The following SUDS3 variants were observed in gnomAD, a reference collection of about 807,000 sequenced individuals.
SUDS3 encodes SIN3A corepressor complex component SDS3.
SUDS3 carries 23 observed loss-of-function variants against 53.5 expected under a neutral mutation model. The observed-to-expected ratio is 0.43, with a 90% CI of 0.31 to 0.61. The LOEUF (loss-of-function observed/expected upper bound fraction) is 0.61, where lower values mean the gene tolerates loss of function less well. SUDS3 is among the 20% of genes least tolerant of loss of function. SUDS3 has a pLI of 0.10. For missense variants in SUDS3, 291 were observed against 405.9 expected, an observed-to-expected ratio of 0.72 and a Z score of 2.43; for synonymous variants, 150 against 148.5, an observed-to-expected ratio of 1.01 and a Z score of -0.08.
chr12:118,387,312 G>A (rs1462176988), intron 4 of SUDS3, among the ~76,000 whole-genome samples: 1 of 152,150 alleles, frequency 6.6e-6, no homozygotes, highest in Admixed American at 6.5e-5. Flanking sequence ...TAAAGGAGGT[G>A]GCATTTGTGG....
intron 9 of SUDS3, among the ~76,000 whole-genome samples, chr12:118,402,903 G>A (rs1293245826): frequency 6.6e-6 from 1 of 152,050 alleles, no homozygotes; most frequent in African/African-American, 2.4e-5. Context: ...TAGGACAACA[G>A]GCATGTGCCA....
intron 10 of SUDS3, among the ~76,000 whole-genome samples, chr12:118,409,209 A>G (rs2046336017): frequency 6.7e-6 from 1 of 149,996 alleles, no homozygotes; most frequent in Non-Finnish European, 1.5e-5. Flanking sequence ...GTGCAGTGGC[A>G]TGATCTTGGC....
Position 118,403,503 on chromosome 12 carries a change from C to T in SUDS3, c.789C>T (p.Tyr263=), listed in dbSNP as rs374489963. 12 of 1,612,760 alleles carry T rather than the reference C, an allele frequency of 7.4e-6. No individual in the cohort carries two copies. The highest frequency in any genetic ancestry group is 2.7e-5 in the African/African-American group (2 of 74,894). ...FEARIEDGKL[Y]YDKRWYHKSQ... The stretch of plus-strand genomic sequence containing the variant: ...CTCGGATAGAAGATGGCAAACTGTA[C>T]TATGACAAAAGATGGTATGTTATGG... The change falls in exon 10 of 12, where the codon TAC becomes TAT. Residue 263 remains tyrosine, a synonymous_variant. Transcript: ENST00000543473.
chr12:118,392,845 C>A (rs949084939), intron 6 of SUDS3, among the ~76,000 whole-genome samples: 1 of 152,186 alleles, frequency 6.6e-6, no homozygotes, highest in Non-Finnish European at 1.5e-5. Context: ...TGTGATTTGG[C>A]GTCCTAATTA....
intron 11 of SUDS3, among the ~76,000 whole-genome samples, chr12:118,411,399 G>A (rs1192218575): frequency 1.3e-5 from 2 of 152,122 alleles, no homozygotes; most frequent in Non-Finnish European, 2.9e-5. Flanking sequence ...GTGAACTCCC[G>A]GTACAGCTAC....
intron 6 of SUDS3, among the ~76,000 whole-genome samples, chr12:118,398,353 C>T (rs372294929): frequency 1.3e-5 from 2 of 152,154 alleles, no homozygotes; most frequent in Admixed American, 6.5e-5. Flanking sequence ...GTTTGTGTGA[C>T]ACTCCAGCTC....
intron 10 of SUDS3, among the ~76,000 whole-genome samples, chr12:118,406,218 T>C (rs2046307206): frequency 6.6e-6 from 1 of 152,196 alleles, no homozygotes; most frequent in Non-Finnish European, 1.5e-5. Context: ...TCTCTCCTTG[T>C]TTTAAATCTG....
intron 10 of SUDS3, among the ~76,000 whole-genome samples, chr12:118,408,535 T>C (rs901147921): frequency 1.3e-5 from 2 of 151,408 alleles, no homozygotes; most frequent in African/African-American, 4.9e-5. Flanking sequence ...GGTTTCACCA[T>C]GTTGGTCGGG....
At chr12:118,392,028 C>G (rs1201968274) in intron 6 of SUDS3, among the ~76,000 whole-genome samples, 1 of 152,174 alleles carries the variant, frequency 6.6e-6, no homozygotes, top group Non-Finnish European at 1.5e-5. Flanking sequence ...CTTCTGTTGC[C>G]ATATGTAGAC....
At chr12:118,394,102 A>G (rs553332268) in intron 6 of SUDS3, among the ~76,000 whole-genome samples, 7 of 152,330 alleles carry the variant, frequency 4.6e-5, no homozygotes, top group African/African-American at 1.7e-4. Flanking sequence ...CAAGCATTAC[A>G]TAAATATATT....
intron 1 of SUDS3, among the ~76,000 whole-genome samples, chr12:118,377,285 TAAAGG>T: frequency 6.6e-6 from 1 of 152,126 alleles, no homozygotes; most frequent in East Asian, 1.9e-4. Context: ...TCAGGTTGGT[TAAAGG>T]AAAGGGACCT....
intron 10 of SUDS3, among the ~76,000 whole-genome samples, chr12:118,405,152 A>G (rs1005146553): frequency 1.3e-5 from 2 of 152,258 alleles, no homozygotes; most frequent in African/African-American, 2.4e-5. Context: ...GCAAAATGAG[A>G]TGAAAAATGT....
At chr12:118,382,632 G>A (rs1199718155) in intron 2 of SUDS3, among the ~76,000 whole-genome samples, 1 of 150,124 alleles carries the variant, frequency 6.7e-6, no homozygotes, top group Non-Finnish European at 1.5e-5. Flanking sequence ...CTCCTGGAGT[G>A]CTAGGATTAC....
intron 6 of SUDS3, 131 bp from the exon 7 acceptor site, chr12:118,400,528 G>A: frequency 1.2e-6 from 1 of 800,696 alleles, no homozygotes; most frequent in East Asian, 2.6e-5. Context: ...CTACGACCAT[G>A]TGTAGAACAA....
At chr12:118,379,013 C>T (rs1043810296) in intron 1 of SUDS3, among the ~76,000 whole-genome samples, 13 of 151,194 alleles carry the variant, frequency 8.6e-5, no homozygotes, top group African/African-American at 2.2e-4. Flanking sequence ...GGTTTCACCA[C>T]GTTGGCCAGG....
chr12:118,376,790 C>A lies in SUDS3; in HGVS notation c.99C>A (p.Ala33=). 1 of 1,552,210 alleles carries A rather than the reference C, an allele frequency of 6.4e-7. No individual in the cohort carries two copies. Reference sequence around the variant, plus strand: ...AGGAGGATGAAGAGCTGGAGAGCGCCGAGGACGACGAGCGCAGCTGTCGGG... The same window carrying A: ...AGGAGGATGAAGAGCTGGAGAGCGCAGAGGACGACGAGCGCAGCTGTCGGG... ...YPEEDEELES[A]EDDERSCRGR... is the part of the protein sequence containing the mutation. The change falls in exon 1 of 12, where the codon GCC becomes GCA. Residue 33 remains alanine (A), a synonymous_variant. Transcript: ENST00000543473.
At chr12:118,387,533 C>T (rs1223661359) in intron 4 of SUDS3, among the ~76,000 whole-genome samples, 3 of 151,804 alleles carry the variant, frequency 2.0e-5, no homozygotes, top group African/African-American at 7.3e-5. Flanking sequence ...TCTGCTCAGA[C>T]TCTCAATCAT....
chr12:118,387,414 T>C (rs941480422), intron 4 of SUDS3, among the ~76,000 whole-genome samples: 3 of 152,188 alleles, frequency 2.0e-5, no homozygotes, highest in African/African-American at 7.2e-5. Flanking sequence ...GAGGGGAATA[T>C]TAATACCTCA....
At chr12:118,398,925 CTTGGAGGA>C (rs2046240336) in intron 6 of SUDS3, among the ~76,000 whole-genome samples, 1 of 152,120 alleles carries the variant, frequency 6.6e-6, no homozygotes, top group Non-Finnish European at 1.5e-5. Context: ...GCTCTGGTTA[CTTGGAGGA>C]TGGAATGAGT....
Sources: allele counts gnomAD v4.1 joint callset (sites outside exome capture counted in the v4.1 genomes callset), GRCh38; gene constraint gnomAD v4.1.1; transcripts MANE v1.5; gene names NCBI Gene and HGNC (gene_info 2026-07-23, HGNC 2026-07-21).